Variants in SLC4A5 observed in about 807,000 individuals in gnomAD.
The protein encoded by SLC4A5 is electrogenic sodium bicarbonate cotransporter 4.
Under a neutral mutation model 120.4 loss-of-function variants are expected in SLC4A5, and 96 were observed. That is an observed-to-expected ratio of 0.80 (90% CI 0.68 to 0.94). The LOEUF is 0.94. Among genes scored for constraint, SLC4A5 ranks in the 40% least tolerant of loss-of-function variants. SLC4A5 has a pLI of 0.00. For missense variants in SLC4A5, 1,259 were observed against 1,459.5 expected, an observed-to-expected ratio of 0.86 and a Z score of 2.24; for synonymous variants, 550 against 571.1, an observed-to-expected ratio of 0.96 and a Z score of 0.53.
exon 27 of SLC4A5, chr2:74,227,107 G>T: frequency 6.2e-7 from 1 of 1,613,574 alleles, no homozygotes; most frequent in Non-Finnish European, 8.5e-7. Context: ...CTGGCATCAG[G>T]AAGAGCTTGC....
chr2:74,266,412 G>A (rs936105387), intron 8 of SLC4A5, among the ~76,000 whole-genome samples: 13 of 152,112 alleles, frequency 8.5e-5, no homozygotes, highest in African/African-American at 2.4e-4. Flanking sequence ...GGGACTACAT[G>A]CATGCACCAT....
chr2:74,321,309 G>A (rs1260903054), intron 5 of SLC4A5, among the ~76,000 whole-genome samples: 1 of 152,132 alleles, frequency 6.6e-6, no homozygotes, highest in Non-Finnish European at 1.5e-5. Flanking sequence ...AGCTCTCTCT[G>A]GCTGAAGAGC....
At chr2:74,332,887 T>G (rs544222460) in intron 4 of SLC4A5, among the ~76,000 whole-genome samples, 1 of 152,290 alleles carries the variant, frequency 6.6e-6, no homozygotes, top group African/African-American at 2.4e-5. Context: ...ACCCCTTTTC[T>G]CTCTGCTCCC....
intron 6 of SLC4A5, chr2:74,306,803 G>A: frequency 1.4e-6 from 1 of 731,588 alleles, no homozygotes; most frequent in Non-Finnish European, 2.3e-6. Flanking sequence ...TGTTCTTTTG[G>A]ATGATTTGCA....
chr2:74,309,080 AT>A (rs112753220), intron 6 of SLC4A5, among the ~76,000 whole-genome samples: 198 of 143,950 alleles, frequency 1.4e-3, no homozygotes, highest in Non-Finnish European at 1.4e-3. Context: ...ACACCCAGCT[AT>A]TTTTTTTTTT....
At chr2:74,314,288 G>A (rs760214807) in intron 6 of SLC4A5, among the ~76,000 whole-genome samples, 2 of 152,066 alleles carry the variant, frequency 1.3e-5, no homozygotes, top group Admixed American at 6.5e-5. Flanking sequence ...TCCTCTCACG[G>A]TAAGTATCTT....
chr2:74,279,949 C>T (rs546594318), intron 8 of SLC4A5, among the ~76,000 whole-genome samples: 1 of 152,244 alleles, frequency 6.6e-6, no homozygotes, highest in Admixed American at 6.5e-5. Flanking sequence ...CTCCCTTGGA[C>T]CAGCCTCTTA....
At chr2:74,260,006 A>G (rs751550327) in intron 11 of SLC4A5, among the ~76,000 whole-genome samples, 4 of 152,108 alleles carry the variant, frequency 2.6e-5, no homozygotes, top group Non-Finnish European at 5.9e-5. Flanking sequence ...GTGAGGTTCC[A>G]TGTGTCACTT....
intron 17 of SLC4A5, among the ~76,000 whole-genome samples, chr2:74,249,107 T>A (rs1670710447): frequency 6.6e-6 from 1 of 152,204 alleles, no homozygotes; most frequent in South Asian, 2.1e-4. Flanking sequence ...ACACATTAGA[T>A]ACCAGTAGGA....
At chr2:74,324,956 AG>A (rs1218681354) in intron 5 of SLC4A5, among the ~76,000 whole-genome samples, 3 of 152,198 alleles carry the variant, frequency 2.0e-5, no homozygotes, top group Admixed American at 1.3e-4. Flanking sequence ...TGTCACATGG[AG>A]GGAAGCATTC....
At chr2:74,232,773 G>T in intron 23 of SLC4A5, 126 bp from the exon 24 acceptor site, 1 of 1,224,580 alleles carries the variant, frequency 8.2e-7, no homozygotes. Flanking sequence ...GGCCTGAGGT[G>T]CTCCTTGCAA....
intron 2 of SLC4A5, among the ~76,000 whole-genome samples, chr2:74,339,910 A>G (rs1044983704): frequency 1.3e-5 from 2 of 152,262 alleles, no homozygotes; most frequent in African/African-American, 4.8e-5. Context: ...ACTTAAGGAC[A>G]TCACGCTAAG....
At chr2:74,295,219 G>C (rs191042497) in intron 7 of SLC4A5, among the ~76,000 whole-genome samples, 11 of 152,002 alleles carry the variant, frequency 7.2e-5, no homozygotes, top group Non-Finnish European at 1.5e-4. Context: ...GCAGTGATGG[G>C]GGGTGGGAGT....
chr2:74,244,468 C>T (rs201541432), intron 19 of SLC4A5, among the ~76,000 whole-genome samples: 87 of 146,224 alleles, frequency 5.9e-4, no homozygotes, highest in African/African-American at 2.0e-3. Flanking sequence ...CCTTTTCTTT[C>T]TCTTTCTTTC....
chr2:74,318,634 G>A (rs1031838393), intron 5 of SLC4A5, among the ~76,000 whole-genome samples: 8 of 151,694 alleles, frequency 5.3e-5, no homozygotes, highest in African/African-American at 1.9e-4. Context: ...TGCAGACCGA[G>A]ATTGTGCCAC....
At chr2:74,301,211 A>C (rs1329379838) in intron 7 of SLC4A5, among the ~76,000 whole-genome samples, 1 of 152,188 alleles carries the variant, frequency 6.6e-6, no homozygotes, top group Non-Finnish European at 1.5e-5. Context: ...TATGATTATT[A>C]ATATTATACA....
intron 30 of SLC4A5, 102 bp downstream of exon 30, chr2:74,221,332 A>T (rs559679194): frequency 8.3e-6 from 7 of 843,712 alleles, no homozygotes; most frequent in Middle Eastern, 2.3e-4. Flanking sequence ...AGGGCCTTCT[A>T]CTGAGAGGAC....
chr2:74,339,834 A>C (rs188541767), intron 2 of SLC4A5: 1 of 152,400 alleles, frequency 6.6e-6, no homozygotes, highest in East Asian at 1.9e-4. Context: ...AATGTGGTAC[A>C]TACATACAAT....
intron 17 of SLC4A5, 80 bp from the exon 18 acceptor site, chr2:74,248,566 TC>T: frequency 2.0e-6 from 3 of 1,520,428 alleles, no homozygotes; most frequent in Non-Finnish European, 2.7e-6. Flanking sequence ...CAGCGATCTC[TC>T]CACGGGCCCA....
Sources: gnomAD v4.1 joint callset for allele counts (sites outside exome capture counted in the v4.1 genomes callset) on GRCh38, gnomAD v4.1.1 for gene constraint, MANE v1.5 for transcripts, NCBI Gene and HGNC (gene_info 2026-07-23, HGNC 2026-07-21) for gene names.